PPFIA2: variants seen among roughly 807,000 people sequenced by gnomAD.
PPFIA2 encodes liprin-alpha-2.
PPFIA2 carries 46 observed loss-of-function variants against 175.5 expected under a neutral mutation model. The observed-to-expected ratio is 0.26, with a 90% confidence interval of 0.21 to 0.34. The LOEUF (loss-of-function observed/expected upper bound fraction) is 0.34, where lower values mean the gene tolerates loss of function less well. Among genes scored for constraint, PPFIA2 ranks in the 10% least tolerant of loss-of-function variants. The pLI is 1.00. For missense variants in PPFIA2, 1,179 were observed against 1,506.1 expected, an observed-to-expected ratio of 0.78 and a Z score of 3.60; for synonymous variants, 568 against 511.4, an observed-to-expected ratio of 1.11 and a Z score of -1.49.
chr12:81,555,952 A>T (rs2068780466), intron 4 of PPFIA2, among the ~76,000 whole-genome samples: 1 of 151,906 alleles, frequency 6.6e-6, no homozygotes, highest in Admixed American at 6.6e-5. Flanking sequence ...TTTTAAAAAT[A>T]GAGACCCTTG....
intron 22 of PPFIA2, among the ~76,000 whole-genome samples, chr12:81,309,358 A>G (rs1222722377): frequency 1.3e-5 from 2 of 152,162 alleles, no homozygotes; most frequent in Non-Finnish European, 2.9e-5. Context: ...GAACATGTAT[A>G]TCTTAGTTAA....
At chr12:81,438,258 A>G (rs536593677) in intron 7 of PPFIA2, among the ~76,000 whole-genome samples, 1 of 152,120 alleles carries the variant, frequency 6.6e-6, no homozygotes, top group East Asian at 1.9e-4. Context: ...TCACTAGGTT[A>G]GGAGTTCAAG....
chr12:81,395,369 T>C (rs1210578711), intron 8 of PPFIA2, among the ~76,000 whole-genome samples: 2 of 151,968 alleles, frequency 1.3e-5, no homozygotes, highest in Non-Finnish European at 2.9e-5. Flanking sequence ...CAGTATACAA[T>C]AGAGGCAATA....
intron 17 of PPFIA2, 110 bp from the exon 18 acceptor site, chr12:81,347,880 G>A: frequency 7.1e-7 from 1 of 1,404,578 alleles, no homozygotes. Flanking sequence ...AACTATTCTT[G>A]AACATTTTAC....
At chr12:81,512,219 C>T in intron 4 of PPFIA2, 2 of 811,624 alleles carry the variant, frequency 2.5e-6, no homozygotes, top group Non-Finnish European at 3.6e-6. Flanking sequence ...TACTTAAAGT[C>T]CCTTAACGGC....
chr12:81,751,919 T>C (rs1212017318), intron 3 of PPFIA2, among the ~76,000 whole-genome samples: 1 of 152,188 alleles, frequency 6.6e-6, no homozygotes, highest in African/African-American at 2.4e-5. Context: ...TAGTCACCTT[T>C]TTTTTACAGA....
chr12:81,403,000 A>C (rs766340323), intron 8 of PPFIA2, among the ~76,000 whole-genome samples: 2 of 152,200 alleles, frequency 1.3e-5, no homozygotes, highest in Non-Finnish European at 2.9e-5. Context: ...GATACATTAT[A>C]CACATTTTAG....
At chr12:81,696,876 TTC>T (rs987628121) in intron 3 of PPFIA2, among the ~76,000 whole-genome samples, 1 of 151,970 alleles carries the variant, frequency 6.6e-6, no homozygotes. Context: ...TGAAAAGATA[TTC>T]TCTGATCCTT....
At chr12:81,361,115 T>C (rs2141187105) in intron 15 of PPFIA2, among the ~76,000 whole-genome samples, 1 of 151,776 alleles carries the variant, frequency 6.6e-6, no homozygotes, top group Non-Finnish European at 1.5e-5. Flanking sequence ...TCATCCTTCA[T>C]TGTAGATAAA....
At chr12:81,349,116 T>C (rs1442374173) in intron 17 of PPFIA2, among the ~76,000 whole-genome samples, 5 of 152,198 alleles carry the variant, frequency 3.3e-5, no homozygotes, top group Non-Finnish European at 5.9e-5. Flanking sequence ...TCACCTGTTT[T>C]TATATGTTCA....
chr12:81,621,240 T>C (rs1555531179), intron 4 of PPFIA2, among the ~76,000 whole-genome samples: 1 of 152,052 alleles, frequency 6.6e-6, no homozygotes, highest in Non-Finnish European at 1.5e-5. Flanking sequence ...AATCCAAAGG[T>C]GCTAGGTAGG....
chr12:81,647,074 G>A (rs922534649), intron 4 of PPFIA2, among the ~76,000 whole-genome samples: 25 of 143,186 alleles, frequency 1.7e-4, no homozygotes, highest in Middle Eastern at 3.7e-3. Flanking sequence ...AAGGGGGGGG[G>A]AGCGTGTATA....
At chr12:81,422,736 C>T (rs2046496729) in intron 7 of PPFIA2, among the ~76,000 whole-genome samples, 1 of 152,012 alleles carries the variant, frequency 6.6e-6, no homozygotes, top group Admixed American at 6.6e-5. Flanking sequence ...TGGGTCCCTC[C>T]CACAACACGT....
At chr12:81,425,804 T>A (rs1163224938) in intron 7 of PPFIA2, among the ~76,000 whole-genome samples, 1 of 152,208 alleles carries the variant, frequency 6.6e-6, no homozygotes, top group Non-Finnish European at 1.5e-5. Flanking sequence ...TATCTCCCAA[T>A]GACACTGTTT....
chr12:81,528,435 C>A (rs2153275673), intron 4 of PPFIA2, among the ~76,000 whole-genome samples: 1 of 152,124 alleles, frequency 6.6e-6, no homozygotes, highest in East Asian at 1.9e-4. Context: ...GAATTTATTT[C>A]AAACCTGGCT....
At chr12:81,443,011 C>T (rs865819995) in intron 6 of PPFIA2, among the ~76,000 whole-genome samples, 2 of 149,408 alleles carry the variant, frequency 1.3e-5, no homozygotes, top group South Asian at 2.1e-4. Flanking sequence ...ATGAGTCCCT[C>T]GACAACTAAA....
At chr12:81,690,978 C>A (rs1195676425) in intron 3 of PPFIA2, among the ~76,000 whole-genome samples, 1 of 152,058 alleles carries the variant, frequency 6.6e-6, no homozygotes, top group Non-Finnish European at 1.5e-5. Flanking sequence ...ATTGGATGCA[C>A]CTAGCTAATT....
chr12:81,705,995 T>C (rs963570895), intron 3 of PPFIA2, among the ~76,000 whole-genome samples: 1 of 152,160 alleles, frequency 6.6e-6, no homozygotes, highest in African/African-American at 2.4e-5. Context: ...TAAACAAAAA[T>C]ATACTATTAA....
At chr12:81,575,482 C>T (rs1211151797) in intron 4 of PPFIA2, among the ~76,000 whole-genome samples, 1 of 151,782 alleles carries the variant, frequency 6.6e-6, no homozygotes, top group Non-Finnish European at 1.5e-5. Context: ...AATGTGATCA[C>T]ACCATATTTA....
Sources: gnomAD v4.1 joint callset for allele counts (sites outside exome capture counted in the v4.1 genomes callset) on GRCh38, gnomAD v4.1.1 for gene constraint, MANE v1.5 for transcripts, NCBI Gene and HGNC (gene_info 2026-07-23, HGNC 2026-07-21) for gene names.